Variants in KCND3 observed in about 807,000 individuals in gnomAD.
KCND3 encodes potassium voltage-gated channel subfamily D member 3, also known as A-type voltage-gated potassium channel KCND3.
A neutral mutation model predicts 51.1 loss-of-function variants in KCND3; 9 were observed. The ratio of observed to expected loss-of-function variants is 0.18; its 90% CI spans 0.11 to 0.31. The LOEUF (loss-of-function observed/expected upper bound fraction) is 0.31, where lower values mean the gene tolerates loss of function less well. Ranked by LOEUF, KCND3 falls within the 10% of genes least tolerant of loss-of-function variation. The probability of loss-of-function intolerance (pLI) is 1.00; values close to 1 mark genes in which losing one functional copy is unlikely to be tolerated. For missense variants in KCND3, 526 were observed against 903.8 expected, an observed-to-expected ratio of 0.58 and a Z score of 5.36; for synonymous variants, 349 against 368.0, an observed-to-expected ratio of 0.95 and a Z score of 0.59.
intron 2 of KCND3, chr1:111,909,382 C>T (rs1351960411): frequency 6.6e-6 from 1 of 152,168 alleles, no homozygotes; most frequent in East Asian, 1.9e-4. Context: ...AATGATAGTA[C>T]CCTGCCTAAT....
intron 2 of KCND3, among the ~76,000 whole-genome samples, chr1:111,850,383 C>T (rs1488491712): frequency 6.6e-6 from 1 of 152,158 alleles, no homozygotes; most frequent in East Asian, 1.9e-4. Context: ...CCTCTACCCC[C>T]TCGGGAATCC....
chr1:111,866,070 T>A (rs1045647143), intron 2 of KCND3, among the ~76,000 whole-genome samples: 2 of 152,116 alleles, frequency 1.3e-5, no homozygotes, highest in Non-Finnish European at 2.9e-5. Flanking sequence ...AATTTTTAAA[T>A]AAAATATTTT....
chr1:111,926,956 T>G (rs751244353), intron 2 of KCND3, among the ~76,000 whole-genome samples: 7 of 152,220 alleles, frequency 4.6e-5, no homozygotes, highest in Non-Finnish European at 8.8e-5. Context: ...CTTTCACTCC[T>G]TCATTTATCT....
chr1:111,875,341 G>A (rs766784165), intron 2 of KCND3, among the ~76,000 whole-genome samples: 2 of 152,202 alleles, frequency 1.3e-5, no homozygotes, highest in Non-Finnish European at 2.9e-5. Context: ...GGGACTTACC[G>A]ACTAGGAGAC....
chr1:111,831,295 A>T (rs561380491), intron 2 of KCND3, among the ~76,000 whole-genome samples: 2 of 152,276 alleles, frequency 1.3e-5, no homozygotes, highest in South Asian at 4.1e-4. Context: ...TTGAATTGTA[A>T]TCCCCAATGT....
chr1:111,942,868 G>A (rs1672590959), intron 2 of KCND3, among the ~76,000 whole-genome samples: 1 of 152,188 alleles, frequency 6.6e-6, no homozygotes, highest in African/African-American at 2.4e-5. Context: ...GGTCAGCTAG[G>A]AAGTGCAGAA....
intron 2 of KCND3, among the ~76,000 whole-genome samples, chr1:111,957,530 C>A (rs1313721312): frequency 6.6e-6 from 1 of 152,030 alleles, no homozygotes; most frequent in Non-Finnish European, 1.5e-5. Flanking sequence ...AGGTTCTTTT[C>A]TGTTCCAAGT....
chr1:111,870,678 G>A (rs1668790930), intron 2 of KCND3, among the ~76,000 whole-genome samples: 1 of 151,898 alleles, frequency 6.6e-6, no homozygotes, highest in Admixed American at 6.6e-5. Flanking sequence ...GATGCTACAG[G>A]GTCTCTTGTT....
chr1:111,908,674 T>C (rs1255118502), intron 2 of KCND3, among the ~76,000 whole-genome samples: 2 of 152,156 alleles, frequency 1.3e-5, no homozygotes, highest in Non-Finnish European at 2.9e-5. Flanking sequence ...ATGTTCCAAT[T>C]TGATGATGAA....
chr1:111,783,801 C>A (rs1163531833), intron 3 of KCND3, among the ~76,000 whole-genome samples: 1 of 150,502 alleles, frequency 6.6e-6, no homozygotes, highest in Admixed American at 6.6e-5. Context: ...CAAACTGGTA[C>A]ATCTGTACCA....
chr1:111,828,805 C>T (rs956246695), intron 2 of KCND3, among the ~76,000 whole-genome samples: 3 of 152,200 alleles, frequency 2.0e-5, no homozygotes, highest in African/African-American at 7.2e-5. Flanking sequence ...GCATGAGGCC[C>T]CTGGAACCAA....
chr1:111,891,147 C>G (rs1669802492), intron 2 of KCND3, among the ~76,000 whole-genome samples: 1 of 152,132 alleles, frequency 6.6e-6, no homozygotes, highest in South Asian at 2.1e-4. Context: ...AAATCTGAGG[C>G]CACCTACTTC....
intron 3 of KCND3, among the ~76,000 whole-genome samples, chr1:111,781,132 C>G (rs1237306891): frequency 6.6e-6 from 1 of 152,154 alleles, no homozygotes; most frequent in African/African-American, 2.4e-5. Context: ...GTTTTCTTAT[C>G]TCTAACTAAA....
At position 111,846,118 on chromosome 1, in the gene KCND3, T is replaced by C. The variant is rs561679949; in HGVS notation, c.1107-59012A>G. On this transcript the variant is annotated intron_variant, in intron 2 of 7. Coordinates refer to ENST00000302127, the MANE Select transcript of KCND3 (RefSeq NM_001378969.1). The stretch of plus-strand genomic sequence containing the variant: ...AGCATTGTGGTGACCATATAATTTA[T>C]CATCCTAACTGGGATTGTCTGTGAG... Among the ~76,000 whole-genome samples the C allele has an allele frequency of 8.5e-5, 13 of 152,342 alleles. No homozygotes were observed. The South Asian group carries it at 1.7e-3, about 19-fold the overall frequency.
chr1:111,865,356 C>T lies in KCND3; in HGVS notation c.1107-78250G>A, dbSNP rs116353465. On this transcript the variant is annotated intron_variant, in intron 2 of 7. Transcript: ENST00000302127. Reference sequence around the variant, plus strand: ...ATACAGTATTTTACTTTTTGAGGACCTTCACAGAAAGGCAGGGATAAGGGG... The same window carrying T: ...ATACAGTATTTTACTTTTTGAGGACTTTCACAGAAAGGCAGGGATAAGGGG... 1.8e-3 allele frequency among the ~76,000 whole-genome samples: 280 copies of T among 152,270 alleles called. 2 individuals carry two copies. Among genetic ancestry groups the T allele is most frequent in the African/African-American group, 6.6e-3 (273 of 41,544 alleles).
At position 111,815,871 on chromosome 1, in the gene KCND3, C is replaced by T. The variant is rs1666064833; in HGVS notation, c.1107-28765G>A. Among the ~76,000 whole-genome samples, 4 of 152,166 alleles carry T rather than the reference C, an allele frequency of 2.6e-5. No homozygotes were observed. The South Asian group carries it at 8.3e-4, about 32-fold the overall frequency. The stretch of plus-strand genomic sequence containing the variant: ...AGAAGGTAAGCAGGAATTTCTGGGC[C>T]TTCCTGGATGTTCCCCCCCCACACA... On this transcript the variant is annotated intron_variant, in intron 2 of 7. Coordinates refer to ENST00000302127, the MANE Select transcript of KCND3 (RefSeq NM_001378969.1).
At chr1:111,911,088 C>T (rs377707113) in intron 2 of KCND3, among the ~76,000 whole-genome samples, 52 of 152,096 alleles carry the variant, frequency 3.4e-4, no homozygotes, top group African/African-American at 1.2e-3. Flanking sequence ...GCCAGATGAC[C>T]TTTTTGCTCT....
In KCND3 at chr1:111,989,615, G is replaced by T. The variant is rs901814285; in HGVS notation, c.-183C>A. On this transcript the variant is annotated 5_prime_UTR_variant, in exon 1 of 8. Coordinates refer to ENST00000302127, the MANE Select transcript of KCND3 (RefSeq NM_001378969.1). The stretch of plus-strand genomic sequence containing the variant: ...CGAGCGCCCAGCAGCGCGGGGAAGC[G>T]CCCAGCAGCCGCCGCTCGCGCGGCT... 4.7e-5 allele frequency among the ~76,000 whole-genome samples: 7 copies of T among 147,602 alleles called. No individual in the cohort carries two copies. The highest frequency in any genetic ancestry group is 1.2e-4 in the African/African-American group (5 of 40,996).
chr1:111,986,966 T>C (rs1348468), intron 1 of KCND3, among the ~76,000 whole-genome samples: 152,016 of 152,308 alleles, frequency 1, 75,862 homozygotes, highest in Non-Finnish European at 1. Flanking sequence ...GAGCCCTGGA[T>C]CTTTGACCCT....
Sources: allele counts gnomAD v4.1 joint callset (sites outside exome capture counted in the v4.1 genomes callset), GRCh38; gene constraint gnomAD v4.1.1; transcripts MANE v1.5; gene names NCBI Gene and HGNC (gene_info 2026-07-23, HGNC 2026-07-21).